SMG1: variants seen among roughly 807,000 people sequenced by gnomAD.
The protein encoded by SMG1 is serine/threonine-protein kinase SMG1.
A neutral mutation model predicts 419.9 loss-of-function variants in SMG1; 22 were observed. The observed-to-expected ratio is 0.05, with a 90% CI of 0.04 to 0.07. The LOEUF (loss-of-function observed/expected upper bound fraction) is 0.07. Among genes scored for constraint, SMG1 ranks in the 10% least tolerant of loss-of-function variants. The pLI is 1.00. For missense variants in SMG1, 3,185 were observed against 4,342.0 expected (o/e 0.73, Z 7.49); for synonymous variants, 1,538 against 1,553.5 (o/e 0.99, Z 0.23).
At position 18,807,519 on chromosome 16, in the gene SMG1, C is replaced by G. The variant is rs767263956; in HGVS notation, c.*2050G>C. The stretch of plus-strand genomic sequence containing the variant: ...GGACACATGGGTATTTCAAAAAAAT[C>G]CACCGTGCCTACAATACTTGTTAAA... On this transcript the variant is annotated 3_prime_UTR_variant, in exon 63 of 63. Transcript: ENST00000446231. 3 of 152,112 alleles carry G rather than the reference C, an allele frequency of 2.0e-5. No individual in the cohort carries two copies. Among genetic ancestry groups the G allele is most frequent in the Non-Finnish European group, 2.9e-5 (2 of 68,020 alleles). 9.4% of individuals were successfully genotyped at this position (152,112 alleles called of 1,614,324 possible).
intron 1 of SMG1, among the ~76,000 whole-genome samples, chr16:18,908,476 C>CAAAAAA (rs59890240): frequency 4.8e-5 from 4 of 83,696 alleles, no homozygotes; most frequent in Non-Finnish European, 7.0e-5. Context: ...GACTCCGTCT[C>CAAAAAA]AAAAAAAAAA....
intron 40 of SMG1, 39 bp downstream of exon 40, chr16:18,842,169 A>G: frequency 6.3e-7 from 1 of 1,574,918 alleles, no homozygotes; most frequent in Admixed American, 1.9e-5. Context: ...TAGTAAGACT[A>G]ATACTCTTCT....
At chr16:18,883,906 G>C (rs367558179) in intron 9 of SMG1, among the ~76,000 whole-genome samples, 164 bp downstream of exon 9, 2 of 143,630 alleles carry the variant, frequency 1.4e-5, no homozygotes, top group South Asian at 4.4e-4. Flanking sequence ...GTGACAGAGC[G>C]AGACTCCATC....
In SMG1 at chr16:18,806,441, T is replaced by G. The variant is rs2030843898; in HGVS notation, c.*3128A>C. 1 of 152,522 alleles carries G rather than the reference T, an allele frequency of 6.6e-6. No homozygotes were observed. The highest frequency in any genetic ancestry group is 6.6e-5 in the Admixed American group (1 of 15,264). The allele number at this position is 152,522 out of a possible 1,614,324, so 9.4% of individuals were successfully genotyped here. ...AATCTCAACAGATTTCAAAAGCAACTCACCACAAGTGTCAGACACAAAAGA... is the reference window on the plus strand; with the variant it reads ...AATCTCAACAGATTTCAAAAGCAACGCACCACAAGTGTCAGACACAAAAGA... On this transcript the variant is annotated 3_prime_UTR_variant, in exon 63 of 63. Transcript: ENST00000446231.
At chr16:18,847,660 G>C in intron 37 of SMG1, 53 bp from the exon 38 acceptor site, 1 of 1,608,240 alleles carries the variant, frequency 6.2e-7, no homozygotes, top group South Asian at 1.1e-5. Context: ...GCACAGCACA[G>C]CTCTTCAAAC....
chr16:18,858,103 T>A (rs1259387008), intron 29 of SMG1, 67 bp downstream of exon 29: 11 of 1,408,230 alleles, frequency 7.8e-6, no homozygotes, highest in Non-Finnish European at 9.6e-6. Context: ...AATATAAACC[T>A]CAATAAAGCA....
intron 37 of SMG1, 28 bp downstream of exon 37, chr16:18,847,785 ATTC>A (rs1160396386): frequency 6.2e-7 from 1 of 1,601,536 alleles, no homozygotes; most frequent in Non-Finnish European, 8.5e-7. Context: ...TCTATAAAAA[ATTC>A]TTCTACAACA....
At chr16:18,909,351 GA>G (rs1290341383) in intron 1 of SMG1, among the ~76,000 whole-genome samples, 2 of 151,384 alleles carry the variant, frequency 1.3e-5, no homozygotes, top group East Asian at 1.9e-4. Context: ...TCAAAAAAAG[GA>G]AAAAATAAAA....
chr16:18,873,795 T>C (rs933446528), intron 13 of SMG1, among the ~76,000 whole-genome samples: 5 of 152,162 alleles, frequency 3.3e-5, no homozygotes, highest in Non-Finnish European at 7.4e-5. Flanking sequence ...ACCCTGCCAC[T>C]CTACACCTTT....
chr16:18,891,921 G>A (rs902670473), intron 4 of SMG1, among the ~76,000 whole-genome samples: 5 of 152,154 alleles, frequency 3.3e-5, no homozygotes, highest in Non-Finnish European at 5.9e-5. Flanking sequence ...TTCCACCTCA[G>A]CCAGGTGTAG....
chr16:18,809,699 C>A, intron 62 of SMG1, 53 bp from the exon 63 acceptor site: 1 of 1,393,442 alleles, frequency 7.2e-7, no homozygotes, highest in South Asian at 1.2e-5. Flanking sequence ...TTTCAATTGT[C>A]TGCTGAATTA....
intron 55 of SMG1, among the ~76,000 whole-genome samples, chr16:18,820,266 T>A (rs12443724): frequency 0.31 from 46,844 of 150,912 alleles, 7,967 homozygotes; most frequent in Non-Finnish European, 0.39. Context: ...GCCCAGCTAC[T>A]ATCTTGGCTC....
At chr16:18,907,845 CAAAAAAAAA>C (rs71141092) in intron 1 of SMG1, among the ~76,000 whole-genome samples, 7 of 54,974 alleles carry the variant, frequency 1.3e-4, no homozygotes, top group Non-Finnish European at 1.7e-4. Context: ...GAACGAGACT[CAAAAAAAAA>C]AAAAAAAAAA....
chr16:18,846,279 T>C (rs1177504943), intron 38 of SMG1, among the ~76,000 whole-genome samples: 1 of 152,130 alleles, frequency 6.6e-6, no homozygotes, highest in African/African-American at 2.4e-5. Context: ...TACAAAACTC[T>C]TAGAAGAAAA....
intron 6 of SMG1, among the ~76,000 whole-genome samples, chr16:18,888,164 CAAAAAAA>C (rs991748168): frequency 7.3e-5 from 3 of 41,212 alleles, no homozygotes; most frequent in Non-Finnish European, 1.4e-4. Context: ...GACTCTGCAT[CAAAAAAA>C]AAAAAAAAAA....
intron 13 of SMG1, among the ~76,000 whole-genome samples, chr16:18,874,819 T>C (rs992831958): frequency 2.1e-4 from 25 of 117,808 alleles, no homozygotes; most frequent in African/African-American, 6.6e-4. Flanking sequence ...TGAGCCGAGA[T>C]TGCACCACTG....
At chr16:18,834,814 G>T in intron 49 of SMG1, 78 bp downstream of exon 49, 1 of 1,464,766 alleles carries the variant, frequency 6.8e-7, no homozygotes, top group South Asian at 1.3e-5. Flanking sequence ...CAAGACTAAG[G>T]AAAGTAAAAG....
intron 48 of SMG1, among the ~76,000 whole-genome samples, chr16:18,835,377 T>C (rs2033491448): frequency 6.6e-6 from 1 of 152,200 alleles, no homozygotes. Context: ...CCACGGCTCA[T>C]ACCTGTAATC....
chr16:18,810,646 G>A (rs146715142), intron 62 of SMG1, among the ~76,000 whole-genome samples: 146 of 152,278 alleles, frequency 9.6e-4, no homozygotes, highest in South Asian at 6.6e-3. Context: ...CTTGAAGGTC[G>A]GAGGAACAGG....
Sources: allele counts gnomAD v4.1 joint callset (sites outside exome capture counted in the v4.1 genomes callset), GRCh38; gene constraint gnomAD v4.1.1; transcripts MANE v1.5; gene names NCBI Gene and HGNC (gene_info 2026-07-23, HGNC 2026-07-21).